PCSK5: variants seen among roughly 807,000 people sequenced by gnomAD.
PCSK5 encodes the protein prohormone convertase 5.
In PCSK5, 129 loss-of-function variants were observed where a neutral mutation model predicts 233.2. That is an observed-to-expected ratio of 0.55 (90% CI 0.48 to 0.64). The LOEUF is 0.64. Among genes scored for constraint, PCSK5 ranks in the 30% least tolerant of loss-of-function variants. PCSK5 has a pLI of 0.00. For synonymous variants in PCSK5, 825 were observed against 879.2 expected, an observed-to-expected ratio of 0.94 and a Z score of 1.09; for missense variants, 2,076 against 2,430.1, an observed-to-expected ratio of 0.85 and a Z score of 3.06.
intron 5 of PCSK5, among the ~76,000 whole-genome samples, chr9:76,044,932 G>A (rs1829313716): frequency 6.6e-6 from 1 of 152,124 alleles, no homozygotes; most frequent in Non-Finnish European, 1.5e-5. Flanking sequence ...TTTAAAGTCT[G>A]ATTTTCATGG....
At chr9:76,053,246 C>A (rs1829698692) in intron 5 of PCSK5, among the ~76,000 whole-genome samples, 1 of 152,178 alleles carries the variant, frequency 6.6e-6, no homozygotes, top group Non-Finnish European at 1.5e-5. Context: ...GGGCTCCCAC[C>A]CCACATTTCC....
intron 24 of PCSK5, among the ~76,000 whole-genome samples, chr9:76,276,654 G>A (rs995801275): frequency 3.9e-5 from 6 of 152,156 alleles, no homozygotes; most frequent in Non-Finnish European, 7.3e-5. Flanking sequence ...CTACTCAGAT[G>A]TCAATTCTTG....
chr9:76,160,063 C>T (rs1822786410), intron 12 of PCSK5, among the ~76,000 whole-genome samples: 1 of 152,066 alleles, frequency 6.6e-6, no homozygotes, highest in Non-Finnish European at 1.5e-5. Context: ...CCTCGTGATC[C>T]ATCCGCCTCG....
At chr9:76,019,839 G>A in intron 3 of PCSK5, among the ~76,000 whole-genome samples, 1 of 152,186 alleles carries the variant, frequency 6.6e-6, no homozygotes, top group Non-Finnish European at 1.5e-5. Context: ...ATAAGAAAGT[G>A]GAGACCTTGT....
In PCSK5 at chr9:76,349,273, CAAAAAAA is replaced by C. The variant is rs71372068; in HGVS notation, c.4967-1543_4967-1537del. Among the ~76,000 whole-genome samples the C allele has an allele frequency of 5.8e-3, 384 of 66,498 alleles. 4 individuals carry two copies. The East Asian group carries it at 0.059, about 10-fold the overall frequency. 43.6% of individuals were successfully genotyped at this position (66,498 alleles called of 152,430 possible). The stretch of plus-strand genomic sequence containing the variant: ...TGGGCGACAGAGCCAGACTCTGTCT[CAAAAAAA>C]AAAAAAAAAAAGAAAAAAGAAAAAG... On this transcript the variant is annotated intron_variant, in intron 35 of 37. Transcript: ENST00000674117.
chr9:76,228,002 C>T (rs1825952895), intron 21 of PCSK5, among the ~76,000 whole-genome samples: 2 of 149,878 alleles, frequency 1.3e-5, no homozygotes, highest in African/African-American at 2.5e-5. Context: ...CAGAGTCTTG[C>T]TCTGTCACCC....
At chr9:76,141,201 G>C (rs74902926) in intron 10 of PCSK5, among the ~76,000 whole-genome samples, 4,848 of 152,142 alleles carry the variant, frequency 0.032, 254 homozygotes, top group African/African-American at 0.11. Context: ...TCTGAATCCA[G>C]TTCCAAAATA....
At chr9:76,096,157 A>T in intron 8 of PCSK5, 55 bp downstream of exon 8, 1 of 1,114,216 alleles carries the variant, frequency 9.0e-7, no homozygotes, top group Non-Finnish European at 1.4e-6. Flanking sequence ...TCACTTTGAA[A>T]TACAAAGGGA....
intron 1 of PCSK5, among the ~76,000 whole-genome samples, chr9:75,892,494 T>G (rs981336137): frequency 1.4e-4 from 22 of 152,108 alleles, no homozygotes; most frequent in Admixed American, 1.3e-4. Context: ...GAGGTGAGGA[T>G]GATGGATGGC....
intron 3 of PCSK5, 57 bp from the exon 4 acceptor site, chr9:76,023,681 T>TA: frequency 6.9e-7 from 1 of 1,456,498 alleles, no homozygotes; most frequent in South Asian, 1.3e-5. Context: ...AAGAAATAGG[T>TA]AATTCTTCCA....
rs73460330 is a variant in PCSK5 at position 76,202,124 on chromosome 9, A to G, written c.2626+12378A>G. Among the ~76,000 whole-genome samples the G allele has an allele frequency of 3.1e-3, 476 of 152,322 alleles. 3 individuals carry two copies. Among genetic ancestry groups the G allele is most frequent in the African/African-American group, 0.011 (452 of 41,566 alleles). On this transcript the variant is annotated intron_variant, in intron 20 of 37. Transcript: ENST00000674117. ...GTTCTATGTTATCAGAAGAGCCACA[A>G]ATATGGCAGAAACCGGAAGTCATCT...
chr9:76,289,513 A>ACAC (rs1441487777), intron 24 of PCSK5, among the ~76,000 whole-genome samples: 1,833 of 75,126 alleles, frequency 0.024, 27 homozygotes, highest in Non-Finnish European at 0.027. Context: ...ACACACACGC[A>ACAC]ACATACACAC....
At chr9:76,321,711 G>A (rs1829211708) in intron 31 of PCSK5, 72 bp downstream of exon 31, 1 of 918,914 alleles carries the variant, frequency 1.1e-6, no homozygotes, top group East Asian at 2.6e-5. Context: ...ATCTGAGGGT[G>A]GATGGCAAAG....
chr9:75,960,485 A>G (rs1052458833), intron 2 of PCSK5, among the ~76,000 whole-genome samples: 2 of 152,198 alleles, frequency 1.3e-5, no homozygotes, highest in Admixed American at 1.3e-4. Flanking sequence ...AACTAATTTT[A>G]ATATTCTGGG....
chr9:76,017,605 C>T (rs1331236992), intron 3 of PCSK5, among the ~76,000 whole-genome samples: 8 of 152,206 alleles, frequency 5.3e-5, no homozygotes, highest in African/African-American at 1.4e-4. Flanking sequence ...TTCCCTTTAG[C>T]TCACCTCCTT....
intron 28 of PCSK5, among the ~76,000 whole-genome samples, chr9:76,303,180 A>C (rs72743110): frequency 0.16 from 24,058 of 151,966 alleles, 2,102 homozygotes; most frequent in Middle Eastern, 0.31. Context: ...ATATGAAGAC[A>C]TTACAGAATT....
Position 76,358,868 on chromosome 9 carries a change from CGAT to C in PCSK5, c.5613_5615del (p.Asp1872del). 6.2e-7 allele frequency: 1 copy of C among 1,612,774 alleles called. No individual in the cohort carries two copies. Among genetic ancestry groups the C allele is most frequent in the Non-Finnish European group, 8.5e-7 (1 of 1,179,842 alleles). ...AATTTAAATATGGGCTGCTGGATGA[CGAT>C]GACATAGATGAGCTGGAATATGATG... is the stretch of plus-strand genomic sequence containing the variant. On this transcript the variant is annotated inframe_deletion, in exon 38 of 38. Transcript: ENST00000674117.
chr9:76,168,506 CTGTT>C (rs1823184416), intron 12 of PCSK5, among the ~76,000 whole-genome samples: 1 of 152,120 alleles, frequency 6.6e-6, no homozygotes, highest in Admixed American at 6.6e-5. Context: ...GAAAGGGAAT[CTGTT>C]TGTTTTCTTT....
chr9:76,357,073 G>A (rs763487115), intron 37 of PCSK5, among the ~76,000 whole-genome samples: 40 of 152,160 alleles, frequency 2.6e-4, no homozygotes, highest in Non-Finnish European at 4.7e-4. Context: ...CATACCACCT[G>A]GAAAAATGAA....
Sources: gnomAD v4.1 joint callset for allele counts (sites outside exome capture counted in the v4.1 genomes callset) on GRCh38, gnomAD v4.1.1 for gene constraint, MANE v1.5 for transcripts, NCBI Gene and HGNC (gene_info 2026-07-23, HGNC 2026-07-21) for gene names.